The following RICTOR variants were observed in gnomAD, a reference collection of about 807,000 sequenced individuals.
RICTOR encodes rapamycin-insensitive companion of mTOR.
Under a neutral mutation model 214.9 loss-of-function variants are expected in RICTOR, and 49 were observed. That is an observed-to-expected ratio of 0.23 (90% confidence interval 0.18 to 0.29). RICTOR has a LOEUF of 0.29. RICTOR is among the 10% of genes least tolerant of loss of function. RICTOR has a pLI of 1.00. For missense variants in RICTOR, 1,625 were observed against 2,047.0 expected (o/e 0.79, Z 3.98); for synonymous variants, 717 against 711.3 (o/e 1.01, Z -0.13).
chr5:38,964,103 G>A (rs867397669), intron 16 of RICTOR, among the ~76,000 whole-genome samples: 3 of 151,468 alleles, frequency 2.0e-5, no homozygotes, highest in Non-Finnish European at 3.0e-5. Context: ...AAATAAAATC[G>A]TCCATGTATG....
At chr5:38,998,485 C>T (rs779482698) in intron 5 of RICTOR, among the ~76,000 whole-genome samples, 5 of 152,130 alleles carry the variant, frequency 3.3e-5, no homozygotes, top group Non-Finnish European at 7.4e-5. Context: ...CCAAGCCCAG[C>T]CCCAACAATT....
At chr5:39,004,101 G>C (rs114195850) in intron 3 of RICTOR, among the ~76,000 whole-genome samples, 1 of 152,090 alleles carries the variant, frequency 6.6e-6, no homozygotes, top group African/African-American at 2.4e-5. Flanking sequence ...ACAGTATTTA[G>C]TCAATATCAG....
chr5:39,025,919 C>A (rs1353933929), intron 2 of RICTOR, among the ~76,000 whole-genome samples: 2 of 152,156 alleles, frequency 1.3e-5, no homozygotes, highest in African/African-American at 4.8e-5. Context: ...TCTGTCAACC[C>A]TTAGAGTGTC....
chr5:39,056,147 C>T (rs1051582008), intron 2 of RICTOR, among the ~76,000 whole-genome samples: 12 of 152,138 alleles, frequency 7.9e-5, no homozygotes, highest in African/African-American at 2.9e-4. Flanking sequence ...AGCCCTCAAG[C>T]TTAAACACAA....
chr5:39,044,917 TA>T (rs1187896894), intron 2 of RICTOR, among the ~76,000 whole-genome samples: 1 of 152,198 alleles, frequency 6.6e-6, no homozygotes, highest in African/African-American at 2.4e-5. Context: ...CCATTCCCCT[TA>T]CCTAATCTTT....
intron 2 of RICTOR, among the ~76,000 whole-genome samples, chr5:39,032,656 C>A (rs1756354322): frequency 6.6e-6 from 1 of 152,174 alleles, no homozygotes; most frequent in Non-Finnish European, 1.5e-5. Flanking sequence ...CAGGGAGTCA[C>A]ACATTAGAAA....
intron 25 of RICTOR, among the ~76,000 whole-genome samples, chr5:38,956,211 A>G (rs968563616): frequency 6.6e-6 from 1 of 152,018 alleles, no homozygotes; most frequent in Non-Finnish European, 1.5e-5. Context: ...TTGTTTCTAA[A>G]CTTGTGTCAA....
intron 32 of RICTOR, 94 bp downstream of exon 32, chr5:38,947,170 G>T: frequency 1.2e-6 from 1 of 853,304 alleles, no homozygotes; most frequent in Non-Finnish European, 1.9e-6. Flanking sequence ...CCAAACTGGT[G>T]CCCACCCTAA....
intron 3 of RICTOR, among the ~76,000 whole-genome samples, chr5:39,005,952 A>T (rs1453325119): frequency 6.6e-6 from 1 of 152,166 alleles, no homozygotes; most frequent in Non-Finnish European, 1.5e-5. Context: ...ATTTTCAAAG[A>T]TTTTCTACTT....
At chr5:39,040,768 C>T (rs1001339739) in intron 2 of RICTOR, among the ~76,000 whole-genome samples, 8 of 152,048 alleles carry the variant, frequency 5.3e-5, no homozygotes, top group Admixed American at 1.3e-4. Context: ...TGTATATCTA[C>T]GCAGTATTTC....
chr5:39,053,708 C>T (rs559530260), intron 2 of RICTOR, among the ~76,000 whole-genome samples: 5,925 of 150,310 alleles, frequency 0.039, 219 homozygotes, highest in African/African-American at 0.093. Context: ...CTGGCTAACA[C>T]GGTGAAACCC....
chr5:38,973,754 G>T (rs1750977470), intron 10 of RICTOR, among the ~76,000 whole-genome samples: 1 of 152,046 alleles, frequency 6.6e-6, no homozygotes, highest in Non-Finnish European at 1.5e-5. Flanking sequence ...TTACAGATAA[G>T]ATATAGTCTC....
At chr5:39,043,095 G>T (rs966607647) in intron 2 of RICTOR, among the ~76,000 whole-genome samples, 2 of 152,114 alleles carry the variant, frequency 1.3e-5, no homozygotes, top group South Asian at 4.1e-4. Flanking sequence ...TTGCCAAATG[G>T]ATGATCCAGC....
At chr5:38,960,860 A>G (rs1341640820) in intron 19 of RICTOR, among the ~76,000 whole-genome samples, 1 of 152,072 alleles carries the variant, frequency 6.6e-6, no homozygotes, top group Non-Finnish European at 1.5e-5. Context: ...TTTTATCACC[A>G]GCTTTTCCCC....
intron 2 of RICTOR, among the ~76,000 whole-genome samples, chr5:39,039,261 A>G (rs1251993976): frequency 6.6e-6 from 1 of 152,196 alleles, no homozygotes; most frequent in Admixed American, 6.5e-5. Context: ...CTGGCTAGCC[A>G]TATGTAGAAA....
At chr5:39,010,058 C>T (rs1239419155) in intron 3 of RICTOR, among the ~76,000 whole-genome samples, 2 of 152,182 alleles carry the variant, frequency 1.3e-5, no homozygotes, top group Non-Finnish European at 2.9e-5. Context: ...GTGTCAAGGG[C>T]AGGACCAGGT....
intron 4 of RICTOR, among the ~76,000 whole-genome samples, chr5:39,003,248 T>C (rs575120192): frequency 1.3e-5 from 2 of 152,304 alleles, no homozygotes; most frequent in East Asian, 1.9e-4. Flanking sequence ...CCTAGAGTTA[T>C]AGTTGTTCCT....
intron 21 of RICTOR, 36 bp downstream of exon 21, chr5:38,959,743 C>T (rs768244222): frequency 7.4e-7 from 1 of 1,350,716 alleles, no homozygotes; most frequent in East Asian, 2.3e-5. Context: ...AAATAAAGTT[C>T]ATGTATATAT....
chr5:39,005,680 C>T (rs1213982909), intron 3 of RICTOR, among the ~76,000 whole-genome samples: 2 of 152,058 alleles, frequency 1.3e-5, no homozygotes, highest in Non-Finnish European at 2.9e-5. Context: ...TAATCCTGTC[C>T]TTTGGTAGCT....
Sources: allele counts gnomAD v4.1 joint callset (sites outside exome capture counted in the v4.1 genomes callset), GRCh38; gene constraint gnomAD v4.1.1; transcripts MANE v1.5; gene names NCBI Gene and HGNC (gene_info 2026-07-23, HGNC 2026-07-21).